Variants in LPIN1 observed in about 807,000 individuals in gnomAD.
LPIN1 encodes the protein lipin 1.
LPIN1 carries 71 observed loss-of-function variants against 107.5 expected under a neutral mutation model. The observed-to-expected ratio is 0.66, with a 90% CI of 0.55 to 0.80. LPIN1 has a LOEUF of 0.80. LPIN1 is among the 30% of genes least tolerant of loss of function. LPIN1 has a pLI of 0.00. For synonymous variants in LPIN1, 445 were observed against 452.6 expected (o/e 0.98, Z 0.21); for missense variants, 1,043 against 1,160.6 (o/e 0.90, Z 1.47).
chr2:11,753,287 A>G (rs1279793391), intron 1 of LPIN1, among the ~76,000 whole-genome samples: 2 of 152,220 alleles, frequency 1.3e-5, no homozygotes, highest in African/African-American at 4.8e-5. Flanking sequence ...GACCTTTAAA[A>G]GGCCTCTGAC....
At chr2:11,780,597 T>C (rs1343336537) in intron 7 of LPIN1, among the ~76,000 whole-genome samples, 1 of 152,054 alleles carries the variant, frequency 6.6e-6, no homozygotes, top group Non-Finnish European at 1.5e-5. Context: ...CCAAAATAAA[T>C]AGAGAAGCAG....
chr2:11,824,875 C>CCAGGTGG lies in LPIN1; in HGVS notation c.*84_*85insCAGGTGG. 6.7e-7 allele frequency: 1 copy of CCAGGTGG among 1,496,814 alleles called. No individual in the cohort carries two copies. Among genetic ancestry groups the CCAGGTGG allele is most frequent in the Non-Finnish European group, 9.3e-7 (1 of 1,079,916 alleles). 92.7% of individuals were successfully genotyped at this position (1,496,814 alleles called of 1,614,324 possible). ...TAGGTCTCCCCGGAGTGCACAGCTCCACCTGGGAGCCTGGCGCGTCATCAT... is the reference window on the plus strand; with the variant it reads ...TAGGTCTCCCCGGAGTGCACAGCTCCCAGGTGGACCTGGGAGCCTGGCGCGTCATCAT... On this transcript the variant is annotated 3_prime_UTR_variant, in exon 21 of 21. Transcript: ENST00000674199.
chr2:11,731,728 T>C (rs1314468098), intron 1 of LPIN1, among the ~76,000 whole-genome samples: 5 of 152,182 alleles, frequency 3.3e-5, no homozygotes, highest in Non-Finnish European at 7.4e-5. Context: ...CTCGCCAGCA[T>C]CTATTGTTTC....
chr2:11,778,546 C>T (rs1025907365), intron 6 of LPIN1, among the ~76,000 whole-genome samples: 2 of 152,106 alleles, frequency 1.3e-5, no homozygotes, highest in African/African-American at 4.8e-5. Context: ...TAAATGAGAC[C>T]AGAAGCATCA....
intron 1 of LPIN1, among the ~76,000 whole-genome samples, chr2:11,678,773 C>T (rs529628599): frequency 5.3e-5 from 8 of 152,324 alleles, no homozygotes; most frequent in African/African-American, 1.7e-4. Context: ...CACCTCTGCA[C>T]TGTTTTGCAG....
upstream of LPIN1, chr2:11,745,141 G>C (rs1313891268): frequency 6.6e-6 from 1 of 152,264 alleles, no homozygotes; most frequent in Non-Finnish European, 1.5e-5. Flanking sequence ...GCAGAGCAGC[G>C]GTTCCATCTC....
At chr2:11,756,181 A>G (rs1668659652) in intron 1 of LPIN1, among the ~76,000 whole-genome samples, 3 of 152,182 alleles carry the variant, frequency 2.0e-5, no homozygotes, top group Admixed American at 6.5e-5. Flanking sequence ...ACATCATTTC[A>G]TTTCCAAGGA....
chr2:11,801,206 GA>G (rs1395421788), intron 14 of LPIN1, among the ~76,000 whole-genome samples: 1 of 152,168 alleles, frequency 6.6e-6, no homozygotes, highest in Non-Finnish European at 1.5e-5. Flanking sequence ...AGATTTCTTA[GA>G]AAACTAAAAA....
chr2:11,733,029 G>A (rs559439287), intron 1 of LPIN1, among the ~76,000 whole-genome samples: 2 of 151,724 alleles, frequency 1.3e-5, no homozygotes, highest in South Asian at 4.2e-4. Context: ...GACTGGATGG[G>A]GGGAATTGCT....
rs775439644 is a variant in LPIN1 at position 11,773,658 on chromosome 2, T to C, written c.635T>C (p.Ile212Thr). The change falls in exon 5 of 21, where the codon ATT becomes ACT. Residue 212 changes from isoleucine to threonine, a missense_variant. By Grantham distance (89) the Ile-to-Thr change is moderately conservative. Transcript: ENST00000674199. ...PNDIPPFQDD[I>T]PEENLSLAVI... Reference sequence around the variant, plus strand: ...GATATACCTCCATTCCAAGATGATATTCCTGAGGAAAACCTCTCCCTGGCT... The same window carrying C: ...GATATACCTCCATTCCAAGATGATACTCCTGAGGAAAACCTCTCCCTGGCT... 5 of 1,612,454 alleles carry C rather than the reference T, an allele frequency of 3.1e-6. No individual in the cohort carries two copies. The highest frequency in any genetic ancestry group is 1.7e-5 in the Admixed American group (1 of 60,016).
At chr2:11,751,345 T>C (rs1667761455) in intron 1 of LPIN1, among the ~76,000 whole-genome samples, 1 of 152,182 alleles carries the variant, frequency 6.6e-6, no homozygotes, top group Non-Finnish European at 1.5e-5. Context: ...CCCAGTTCTC[T>C]GAGGTTACTA....
rs553893119 is a variant in LPIN1 at position 11,793,294 on chromosome 2, C to T, written c.1806+1288C>T. 6.6e-5 allele frequency among the ~76,000 whole-genome samples: 10 copies of T among 152,320 alleles called. No individual in the cohort carries two copies. The South Asian group carries it at 2.1e-3, about 32-fold the overall frequency. ...ACTTCTCTGACGTGTCCATGTCTCT[C>T]CAGCTCTGCTCCCACAAATCTGCAT... On this transcript the variant is annotated intron_variant, in intron 13 of 20. Coordinates refer to ENST00000674199, the MANE Select transcript of LPIN1 (RefSeq NM_001349206.2).
intron 2 of LPIN1, among the ~76,000 whole-genome samples, chr2:11,715,449 G>T (rs922339078): frequency 1.3e-5 from 2 of 152,194 alleles, no homozygotes; most frequent in Admixed American, 6.5e-5. Flanking sequence ...TCCATGGTAG[G>T]GGTGTTGGAT....
intron 17 of LPIN1, among the ~76,000 whole-genome samples, chr2:11,810,269 T>C (rs1377802632): frequency 6.6e-6 from 1 of 152,156 alleles, no homozygotes; most frequent in Non-Finnish European, 1.5e-5. Context: ...AAGTTAATTT[T>C]GATTGACCAG....
rs369979188 is a variant in LPIN1, at chr2:11,765,765, G to A, written c.192+32G>A. On this transcript the variant is annotated intron_variant, in intron 2 of 20. Coordinates refer to ENST00000674199, the MANE Select transcript of LPIN1 (RefSeq NM_001349206.2). The surrounding 1 kb of genome is among the most constrained non-coding windows in gnomAD (Gnocchi z 4.4). ...TCTCAGGGCACGGGGACCTGGCACCGGCTCTCCTTAGAGAATGCCCTTGTA... is the reference window on the plus strand; with the variant it reads ...TCTCAGGGCACGGGGACCTGGCACCAGCTCTCCTTAGAGAATGCCCTTGTA... 81 of 1,589,866 alleles carry A rather than the reference G, an allele frequency of 5.1e-5. No homozygotes were observed. Among genetic ancestry groups the A allele is most frequent in the Non-Finnish European group, 5.9e-5 (68 of 1,162,100 alleles).
chr2:11,695,430 G>A (rs548146539), intron 1 of LPIN1, among the ~76,000 whole-genome samples: 4 of 152,256 alleles, frequency 2.6e-5, no homozygotes, highest in African/African-American at 9.6e-5. Context: ...AGTTGCAGGG[G>A]GAGGAAAAGC....
At chr2:11,819,241 G>A (rs1558309591) in intron 18 of LPIN1, 1 of 490,276 alleles carries the variant, frequency 2.0e-6, no homozygotes, top group Non-Finnish European at 3.6e-6. Context: ...TTGTTCCCTG[G>A]ATGACCAGGA....
intron 3 of LPIN1, among the ~76,000 whole-genome samples, chr2:11,770,958 C>T (rs1671747313): frequency 6.7e-6 from 1 of 149,982 alleles, no homozygotes; most frequent in Admixed American, 6.6e-5. Flanking sequence ...GTCTTTCTCT[C>T]ACACCCACCC....
In LPIN1 at chr2:11,803,208, C is replaced by T; in HGVS notation, c.2013+175C>T. 6.6e-6 allele frequency among the ~76,000 whole-genome samples: 1 copy of T among 152,232 alleles called. No homozygotes were observed. The highest frequency in any genetic ancestry group is 2.1e-4 in the South Asian group (1 of 4,828). On this transcript the variant is annotated intron_variant, in intron 15 of 20. Coordinates refer to ENST00000674199, the MANE Select transcript of LPIN1 (RefSeq NM_001349206.2). The surrounding 1 kb of genome is among the most constrained non-coding windows in gnomAD (Gnocchi z 4.2). ...CACCCCAACTCCAGCACTATCCAGG[C>T]TGGGTCCCCAATATGACCTTGCCTT...
Sources: gnomAD v4.1 joint callset for allele counts (sites outside exome capture counted in the v4.1 genomes callset) on GRCh38, gnomAD v4.1.1 for gene constraint, Gnocchi (gnomAD v3.1) non-coding constraint, MANE v1.5 for transcripts, NCBI Gene and HGNC (gene_info 2026-07-23, HGNC 2026-07-21) for gene names.